UBR3: variants seen among roughly 807,000 people sequenced by gnomAD.
UBR3 encodes the protein ubiquitin protein ligase E3 component n-recognin 3, also known as E3 ubiquitin-protein ligase UBR3.
Under a neutral mutation model 243.2 loss-of-function variants are expected in UBR3, and 85 were observed. That is an observed-to-expected ratio of 0.35 (90% CI 0.29 to 0.42). The LOEUF is 0.42. Ranked by LOEUF, UBR3 falls within the 10% of genes least tolerant of loss-of-function variation. The pLI is 1.00. For missense variants in UBR3, 1,686 were observed against 2,300.8 expected (o/e 0.73, Z 5.47); for synonymous variants, 748 against 799.8 (o/e 0.94, Z 1.09).
intron 1 of UBR3, among the ~76,000 whole-genome samples, chr2:169,852,044 T>C (rs949843973): frequency 6.6e-6 from 1 of 152,172 alleles, no homozygotes; most frequent in African/African-American, 2.4e-5. Flanking sequence ...GGTAATTGTT[T>C]ATGATCAGAA....
At chr2:170,068,643 A>G (rs1049516156) in intron 35 of UBR3, among the ~76,000 whole-genome samples, 3 of 152,188 alleles carry the variant, frequency 2.0e-5, no homozygotes, top group Non-Finnish European at 2.9e-5. Context: ...TAGTGAAAAC[A>G]GTAGAGAAAA....
chr2:169,905,307 C>A lies in UBR3; in HGVS notation c.1645+14C>A. ...CTTTCTTTCAAGGTATGAATTTTAT[C>A]CCTTTGTTAATTTTTTGGTTTACAA... On this transcript the variant is annotated intron_variant, in intron 9 of 38. Transcript: ENST00000272793. 1 of 1,453,912 alleles carries A rather than the reference C, an allele frequency of 6.9e-7. No individual in the cohort carries two copies. The highest frequency in any genetic ancestry group is 1.5e-5 in the South Asian group (1 of 64,782). 90.1% of individuals were successfully genotyped at this position (1,453,912 alleles called of 1,614,324 possible).
At chr2:169,883,240 T>A (rs146553651) in intron 5 of UBR3, among the ~76,000 whole-genome samples, 2 of 152,216 alleles carry the variant, frequency 1.3e-5, no homozygotes, top group African/African-American at 4.8e-5. Flanking sequence ...GGCTCACTCA[T>A]AGGGCTGATA....
chr2:169,999,715 A>T (rs1343079120), intron 26 of UBR3, among the ~76,000 whole-genome samples: 1 of 152,180 alleles, frequency 6.6e-6, no homozygotes, highest in East Asian at 1.9e-4. Flanking sequence ...TCTAAGAAAG[A>T]GATTTTAGGA....
Position 169,926,008 on chromosome 2 carries a change from G to A in UBR3, c.2151+261G>A, listed in dbSNP as rs2085896818. ...CTTTATTGGGGTTTCTGCAGGAAAG[G>A]CAAGGAAAGGCAAGGCAGGATTGGC... is the stretch of plus-strand genomic sequence containing the variant. On this transcript the variant is annotated intron_variant, in intron 14 of 38. Transcript: ENST00000272793. Among the ~76,000 whole-genome samples, 5 of 119,958 alleles carry A rather than the reference G, an allele frequency of 4.2e-5. No individual in the cohort carries two copies. In the Admixed American group the frequency reaches 4.9e-4, roughly 12 times the overall value. 78.7% of individuals were successfully genotyped at this position (119,958 alleles called of 152,430 possible).
intron 27 of UBR3, among the ~76,000 whole-genome samples, chr2:170,004,736 C>A (rs1390539248): frequency 1.3e-5 from 2 of 151,922 alleles, no homozygotes. Flanking sequence ...CATGGCGAAA[C>A]CCCATCTATA....
At chr2:169,900,722 A>G (rs894668997) in intron 8 of UBR3, among the ~76,000 whole-genome samples, 2 of 151,426 alleles carry the variant, frequency 1.3e-5, no homozygotes, top group Admixed American at 6.6e-5. Flanking sequence ...ATTTGGGAAC[A>G]AGATGAGTCT....
At chr2:170,014,000 T>G (rs777712742) in intron 29 of UBR3, 1 of 462,844 alleles carries the variant, frequency 2.2e-6, no homozygotes, top group Non-Finnish European at 4.5e-6. Context: ...CAGTGAGCAA[T>G]GCAAATCGCC....
intron 2 of UBR3, among the ~76,000 whole-genome samples, chr2:169,872,619 T>C (rs376630521): frequency 6.6e-6 from 1 of 152,160 alleles, no homozygotes; most frequent in South Asian, 2.1e-4. Flanking sequence ...ATCAAACTTA[T>C]TTGAGCTTTT....
At chr2:170,053,749 G>A (rs2091274771) in intron 32 of UBR3, among the ~76,000 whole-genome samples, 1 of 152,122 alleles carries the variant, frequency 6.6e-6, no homozygotes, top group Non-Finnish European at 1.5e-5. Flanking sequence ...ATTTTAATGG[G>A]GAAATTGTCA....
At chr2:169,852,071 C>T (rs905601079) in intron 1 of UBR3, among the ~76,000 whole-genome samples, 2 of 152,040 alleles carry the variant, frequency 1.3e-5, no homozygotes, top group Admixed American at 6.6e-5. Flanking sequence ...GTGGTTTAAT[C>T]TCTCTGGGCA....
At chr2:169,947,429 A>G in intron 21 of UBR3, 113 bp from the exon 22 acceptor site, 1 of 769,624 alleles carries the variant, frequency 1.3e-6, no homozygotes, top group Non-Finnish European at 1.8e-6. Context: ...TGAGACAATA[A>G]GGGATTCAGG....
intron 8 of UBR3, among the ~76,000 whole-genome samples, chr2:169,900,085 A>G (rs975310691): frequency 1.3e-5 from 2 of 152,192 alleles, no homozygotes; most frequent in Admixed American, 1.3e-4. Flanking sequence ...GTCTTCCACA[A>G]TGGTTGAACT....
intron 5 of UBR3, among the ~76,000 whole-genome samples, chr2:169,890,544 T>TAGATAG: frequency 1.8e-5 from 1 of 56,136 alleles, no homozygotes; most frequent in African/African-American, 7.0e-5. Context: ...GAGAGAGATA[T>TAGATAG]ATATATATAT....
chr2:169,872,212 AT>A (rs1160647024), intron 1 of UBR3, 23 bp from the exon 2 acceptor site: 7 of 1,454,502 alleles, frequency 4.8e-6, no homozygotes, highest in Non-Finnish European at 6.4e-6. Context: ...ATTACTGTTA[AT>A]TTTTTTCTTT....
At chr2:170,025,952 G>T (rs761409965) in intron 30 of UBR3, among the ~76,000 whole-genome samples, 1 of 152,138 alleles carries the variant, frequency 6.6e-6, no homozygotes, top group African/African-American at 2.4e-5. Context: ...TAGTCTGGGT[G>T]TATTGATTTT....
In UBR3 at chr2:169,845,522, G is replaced by T. The variant is rs1175856554; in HGVS notation, c.545+17470G>T. 3.5e-3 allele frequency among the ~76,000 whole-genome samples: 445 copies of T among 128,688 alleles called. 2 individuals are homozygous for T. Among genetic ancestry groups the T allele is most frequent in the Non-Finnish European group, 6.0e-3 (352 of 58,966 alleles). The allele number at this position is 128,688 out of a possible 152,430, so 84.4% of individuals were successfully genotyped here. A position where few individuals can be genotyped will look rare whatever the true frequency, so the allele number is the denominator to read the frequency against. On this transcript the variant is annotated intron_variant, in intron 1 of 38. Transcript: ENST00000272793. ...CGTCATCGTCGTCGTCGTCGTCGTC[G>T]TCGTCGTCGTCTTCTTCTTCTTCTT... is the stretch of plus-strand genomic sequence containing the variant.
intron 24 of UBR3, among the ~76,000 whole-genome samples, chr2:169,969,132 ACT>A (rs780689364): frequency 4.6e-5 from 7 of 152,218 alleles, no homozygotes; most frequent in Non-Finnish European, 8.8e-5. Context: ...TTTCTCTCAT[ACT>A]GTAGGTTGTC....
At chr2:170,012,431 T>C (rs10181026) in intron 29 of UBR3, among the ~76,000 whole-genome samples, 148,872 of 152,234 alleles carry the variant, frequency 0.98, 72,864 homozygotes, top group East Asian at 1. Context: ...CTGTTCTCCA[T>C]GAATTTACAG....
Sources: gnomAD v4.1 joint callset for allele counts (sites outside exome capture counted in the v4.1 genomes callset) on GRCh38, gnomAD v4.1.1 for gene constraint, MANE v1.5 for transcripts, NCBI Gene and HGNC (gene_info 2026-07-23, HGNC 2026-07-21) for gene names.